Variants in NAV2 observed in about 807,000 individuals in gnomAD.
NAV2 encodes the protein neuron navigator 2, also known as helicase, APC down-regulated 1.
In NAV2, 54 loss-of-function variants were observed where a neutral mutation model predicts 223.2. The observed-to-expected ratio is 0.24, with a 90% CI of 0.19 to 0.30. NAV2 has a LOEUF of 0.30. NAV2 is among the 10% of genes least tolerant of loss of function. The pLI is 1.00. For missense variants in NAV2, 2,806 were observed against 3,147.5 expected, an observed-to-expected ratio of 0.89 and a Z score of 2.60; for synonymous variants, 1,279 against 1,239.3, an observed-to-expected ratio of 1.03 and a Z score of -0.67.
chr11:19,436,638 G>A (rs1196675147), intron 1 of NAV2, among the ~76,000 whole-genome samples: 2 of 151,908 alleles, frequency 1.3e-5, no homozygotes, highest in African/African-American at 4.8e-5. Context: ...ATTTTGATAG[G>A]GATTTCATTG....
chr11:20,020,840 T>A (rs1221412592), intron 11 of NAV2, among the ~76,000 whole-genome samples: 1 of 152,204 alleles, frequency 6.6e-6, no homozygotes, highest in East Asian at 1.9e-4. Flanking sequence ...CCTCTCTCGC[T>A]GTACCCTTGG....
chr11:19,872,998 C>A (rs2062620718), intron 4 of NAV2, among the ~76,000 whole-genome samples: 1 of 152,204 alleles, frequency 6.6e-6, no homozygotes, highest in African/African-American at 2.4e-5. Context: ...CACCACCTGT[C>A]ACAGCCATCT....
In NAV2 at chr11:20,008,736, CT is replaced by C. The variant is rs5790102; in HGVS notation, c.2768+24501del. On this transcript the variant is annotated intron_variant, in intron 11 of 37. Transcript: ENST00000349880. ...AGTTAAAAATTGAAGTTCCTCAGAC[CT>C]TTTTTTTTTTTCCGCCTGCTTGTTT... is the stretch of plus-strand genomic sequence containing the variant. Among the ~76,000 whole-genome samples the C allele has an allele frequency of 3.4e-3, 496 of 147,184 alleles. 8 individuals are homozygous for C. The highest frequency in any genetic ancestry group is 0.012 in the African/African-American group (476 of 40,340).
intron 1 of NAV2, among the ~76,000 whole-genome samples, chr11:19,467,973 A>G (rs1852428039): frequency 6.6e-6 from 1 of 152,198 alleles, no homozygotes; most frequent in Non-Finnish European, 1.5e-5. Context: ...ATCAACAGCG[A>G]GTCTTCCAGT....
At chr11:19,973,645 A>G (rs2049447845) in intron 10 of NAV2, among the ~76,000 whole-genome samples, 1 of 152,216 alleles carries the variant, frequency 6.6e-6, no homozygotes, top group South Asian at 2.1e-4. Context: ...TAGCATTGCC[A>G]TGAGCCACTG....
At position 20,119,063 on chromosome 11, in the gene NAV2, GGTT is replaced by G. The variant is rs2063344304; in HGVS notation, c.*806_*808del. 1.3e-5 allele frequency: 1 copy of G among 74,932 alleles called. No homozygotes were observed. Among genetic ancestry groups the G allele is most frequent in the Non-Finnish European group, 3.4e-5 (1 of 29,838 alleles). The allele number at this position is 74,932 out of a possible 1,614,324, so 4.6% of individuals were successfully genotyped here. On this transcript the variant is annotated 3_prime_UTR_variant, in exon 38 of 38. Coordinates refer to ENST00000349880, the MANE Select transcript of NAV2 (RefSeq NM_145117.5). ...TTCCTTCTGATATATGAATGAATCA[GGTT>G]TTTTTTTTTTTTTTTCTGCAAACAC...
intron 1 of NAV2, among the ~76,000 whole-genome samples, chr11:19,499,203 C>T (rs140590024): frequency 9.9e-5 from 15 of 152,226 alleles, no homozygotes; most frequent in Middle Eastern, 3.4e-3. Flanking sequence ...GCCTAAATGG[C>T]GAGCAATTAA....
intron 1 of NAV2, among the ~76,000 whole-genome samples, chr11:19,722,957 A>G (rs1190644204): frequency 6.6e-6 from 1 of 152,212 alleles, no homozygotes; most frequent in African/African-American, 2.4e-5. Flanking sequence ...TGTTTATGAT[A>G]TCCAAACTCT....
chr11:19,436,306 T>A (rs930071771), intron 1 of NAV2, among the ~76,000 whole-genome samples: 1 of 152,184 alleles, frequency 6.6e-6, no homozygotes, highest in Admixed American at 6.5e-5. Context: ...TGTCCAGTTA[T>A]CCGAAAATTG....
chr11:19,599,780 G>C (rs1379029096), intron 1 of NAV2, among the ~76,000 whole-genome samples: 1 of 152,186 alleles, frequency 6.6e-6, no homozygotes, highest in African/African-American at 2.4e-5. Flanking sequence ...TATTCTGTTT[G>C]AGAAACAGCA....
chr11:19,621,784 T>C (rs10833139), intron 1 of NAV2, among the ~76,000 whole-genome samples: 17,394 of 152,222 alleles, frequency 0.11, 2,695 homozygotes, highest in African/African-American at 0.35. Flanking sequence ...TAGTTATTTC[T>C]TGCCTTCTGG....
chr11:19,768,705 T>G (rs2055442831), intron 1 of NAV2, among the ~76,000 whole-genome samples: 1 of 152,176 alleles, frequency 6.6e-6, no homozygotes. Context: ...GGCTATGCAG[T>G]CTGACAGGCC....
At chr11:19,941,069 A>G (rs1227333534) in intron 8 of NAV2, among the ~76,000 whole-genome samples, 1 of 152,232 alleles carries the variant, frequency 6.6e-6, no homozygotes, top group Non-Finnish European at 1.5e-5. Flanking sequence ...CCCGTGGAGC[A>G]GTGTGGATTC....
intron 3 of NAV2, among the ~76,000 whole-genome samples, chr11:19,847,775 C>G (rs1460468059): frequency 1.3e-5 from 2 of 152,192 alleles, no homozygotes; most frequent in Non-Finnish European, 2.9e-5. Context: ...TTTACAAATA[C>G]AGCATGTCCC....
intron 3 of NAV2, among the ~76,000 whole-genome samples, chr11:19,866,037 C>G (rs1350846666): frequency 1.3e-5 from 2 of 152,364 alleles, no homozygotes; most frequent in East Asian, 3.9e-4. Context: ...AAAAATCTGA[C>G]TTCCTTACCT....
chr11:19,461,076 G>A (rs1034092583), intron 1 of NAV2, among the ~76,000 whole-genome samples: 2 of 152,182 alleles, frequency 1.3e-5, no homozygotes, highest in Non-Finnish European at 1.5e-5. Flanking sequence ...GTTGTAATTT[G>A]TAACCAGCAC....
intron 3 of NAV2, among the ~76,000 whole-genome samples, chr11:19,860,171 T>C (rs932479520): frequency 7.0e-6 from 1 of 141,916 alleles, no homozygotes; most frequent in Non-Finnish European, 1.5e-5. Flanking sequence ...GGCGGGGGGC[T>C]GACCCCCCAC....
At chr11:19,832,946 T>C (rs1306180511) in intron 2 of NAV2, among the ~76,000 whole-genome samples, 1 of 152,176 alleles carries the variant, frequency 6.6e-6, no homozygotes, top group African/African-American at 2.4e-5. Context: ...GATGGTACTT[T>C]TGTGGATTAC....
intron 1 of NAV2, among the ~76,000 whole-genome samples, chr11:19,524,380 C>G (rs1448422082): frequency 6.6e-6 from 1 of 152,250 alleles, no homozygotes; most frequent in Non-Finnish European, 1.5e-5. Flanking sequence ...CACAGTACTA[C>G]AGAGCTGTGT....
Sources: gnomAD v4.1 joint callset for allele counts (sites outside exome capture counted in the v4.1 genomes callset) on GRCh38, gnomAD v4.1.1 for gene constraint, MANE v1.5 for transcripts, NCBI Gene and HGNC (gene_info 2026-07-23, HGNC 2026-07-21) for gene names.